The following PACS1 variants were observed in gnomAD, a reference collection of about 807,000 sequenced individuals.
PACS1 encodes phosphofurin acidic cluster sorting protein 1, also known as PACS-1.
PACS1 carries 24 observed loss-of-function variants against 115.0 expected under a neutral mutation model. The observed-to-expected ratio is 0.21, with a 90% CI of 0.15 to 0.29. PACS1 has a LOEUF of 0.29. Among genes scored for constraint, PACS1 ranks in the 10% least tolerant of loss-of-function variants. The pLI is 1.00. For missense variants in PACS1, 838 were observed against 1,251.2 expected (o/e 0.67, Z 4.98); for synonymous variants, 453 against 504.5 (o/e 0.90, Z 1.37).
intron 1 of PACS1, among the ~76,000 whole-genome samples, chr11:66,191,094 C>G (rs1854509537): frequency 6.6e-6 from 1 of 152,170 alleles, no homozygotes. Flanking sequence ...AAGGTGTGGA[C>G]AGGGTGGTGC....
intron 14 of PACS1, 137 bp downstream of exon 14, chr11:66,232,413 C>T: frequency 1.7e-6 from 1 of 597,878 alleles, no homozygotes; most frequent in Non-Finnish European, 3.0e-6. Flanking sequence ...CTGCTCTGAA[C>T]TGAGCCCAGA....
In PACS1 at chr11:66,070,623, C is replaced by T; in HGVS notation, c.137C>T (p.Thr46Met). ...CAGCAGCAGCCGCCGCAGCAGCCGA[C>T]GCCCCCCAAGCTGGCCCAGGCCACC... Reference protein sequence around the residue: ...QQQQQPPQQPTPPKLAQATSS... With the variant: ...QQQQQPPQQPMPPKLAQATSS... The change falls in exon 1 of 24, where the codon ACG (threonine) becomes ATG (methionine). Residue 46 changes from threonine to methionine, a missense_variant. Physicochemically the swap from Thr to Met is moderately conservative, Grantham distance 81. Coordinates refer to ENST00000320580, the MANE Select transcript of PACS1 (RefSeq NM_018026.4). The surrounding 1 kb of genome is among the most constrained non-coding windows in gnomAD (Gnocchi z 5.9). 6.5e-7 allele frequency: 1 copy of T among 1,541,380 alleles called. No individual in the cohort carries two copies. Among genetic ancestry groups the T allele is most frequent in the East Asian group, 2.6e-5 (1 of 38,532 alleles).
At chr11:66,160,932 A>G (rs925369362) in intron 1 of PACS1, among the ~76,000 whole-genome samples, 1 of 151,854 alleles carries the variant, frequency 6.6e-6, no homozygotes, top group African/African-American at 2.4e-5. Context: ...AAGAACATGG[A>G]CTCTGAAGCC....
intron 1 of PACS1, among the ~76,000 whole-genome samples, chr11:66,154,011 A>G (rs376113418): frequency 2.2e-4 from 34 of 152,224 alleles, no homozygotes; most frequent in Non-Finnish European, 1.2e-4. Flanking sequence ...AAGTGGCGAT[A>G]TTAACATCAA....
rs575658282 is a variant in PACS1 at position 66,171,029 on chromosome 11, C to T, written c.357-22457C>T. Among the ~76,000 whole-genome samples, 17 of 150,030 alleles carry T rather than the reference C, an allele frequency of 1.1e-4. 1 individual carries two copies. Among genetic ancestry groups the T allele is most frequent in the Admixed American group, 5.3e-4 (8 of 15,198 alleles). On this transcript the variant is annotated intron_variant, in intron 1 of 23. Coordinates refer to ENST00000320580, the MANE Select transcript of PACS1 (RefSeq NM_018026.4). ...TGTGTATTCTCTTGTTGTGGGGTTCCGGATTTCATGTGTTCGTTTGAATAT... is the reference window on the plus strand; with the variant it reads ...TGTGTATTCTCTTGTTGTGGGGTTCTGGATTTCATGTGTTCGTTTGAATAT...
In PACS1 at chr11:66,216,685, AC is replaced by A. The variant is rs750903805; in HGVS notation, c.898-7del. ...TTTCCCACCCTCATTCTGTCCCTGT[AC>A]CCACTTAGGACTTGTTCTACGAAGA... On this transcript the variant is annotated splice_polypyrimidine_tract_variant and intron_variant, in intron 6 of 23. Coordinates refer to ENST00000320580, the MANE Select transcript of PACS1 (RefSeq NM_018026.4). The A allele has an allele frequency of 6.2e-7, 1 of 1,613,294 alleles. No homozygotes were observed. The highest frequency in any genetic ancestry group is 1.3e-5 in the African/African-American group (1 of 74,854).
intron 10 of PACS1, among the ~76,000 whole-genome samples, chr11:66,222,738 A>T (rs891844187): frequency 6.6e-6 from 1 of 152,130 alleles, no homozygotes; most frequent in Non-Finnish European, 1.5e-5. Context: ...GATGATAGGA[A>T]ACAGGAGAGG....
intron 1 of PACS1, among the ~76,000 whole-genome samples, chr11:66,187,824 A>T (rs1172538235): frequency 6.6e-6 from 1 of 152,114 alleles, no homozygotes; most frequent in Non-Finnish European, 1.5e-5. Context: ...ACCGATTCCC[A>T]GTAGTGGGAT....
In PACS1 at chr11:66,235,827, A is replaced by G. The variant is rs1191851931; in HGVS notation, c.2208-71A>G. The G allele has an allele frequency of 6.9e-6, 9 of 1,310,568 alleles. No individual in the cohort carries two copies. Among genetic ancestry groups the G allele is most frequent in the Non-Finnish European group, 1.0e-5 (9 of 904,176 alleles). 81.2% of individuals were successfully genotyped at this position (1,310,568 alleles called of 1,614,324 possible). A position where few individuals can be genotyped will look rare whatever the true frequency, so the allele number is the denominator to read the frequency against. On this transcript the variant is annotated intron_variant, in intron 18 of 23. Transcript: ENST00000320580. This position sits in a 1 kb window ranked among gnomAD's most constrained non-coding sequence, Gnocchi z 5.6. ...TCTGCTGCAGCCACAGTGAGATAGG[A>G]AAGGCCAATTCCCCAGCACTCCTCC... is the stretch of plus-strand genomic sequence containing the variant.
At chr11:66,180,104 A>G (rs776429797) in intron 1 of PACS1, among the ~76,000 whole-genome samples, 8 of 151,916 alleles carry the variant, frequency 5.3e-5, no homozygotes, top group Non-Finnish European at 1.0e-4. Flanking sequence ...AGCCTCCCAA[A>G]GTGCTGGGAT....
At chr11:66,190,007 T>A (rs912356900) in intron 1 of PACS1, among the ~76,000 whole-genome samples, 1 of 152,222 alleles carries the variant, frequency 6.6e-6, no homozygotes, top group East Asian at 1.9e-4. Context: ...GTGCTGCAGC[T>A]CTAAGACTAG....
rs1859523846 is a variant in PACS1, at chr11:66,162,855, G to T, written c.357-30631G>T. On this transcript the variant is annotated intron_variant, in intron 1 of 23. Transcript: ENST00000320580. ...AAATTTTATCCGCAGTAAATGTGGGGTTGGAGAAGTCAAAGATACCATTTT... is the reference window on the plus strand; with the variant it reads ...AAATTTTATCCGCAGTAAATGTGGGTTTGGAGAAGTCAAAGATACCATTTT... Among the ~76,000 whole-genome samples, 5 of 152,330 alleles carry T rather than the reference G, an allele frequency of 3.3e-5. No individual in the cohort carries two copies. The South Asian group carries it at 1.0e-3, about 32-fold the overall frequency.
intron 1 of PACS1, among the ~76,000 whole-genome samples, chr11:66,154,013 T>C (rs1361608591): frequency 6.6e-6 from 1 of 152,126 alleles, no homozygotes; most frequent in African/African-American, 2.4e-5. Context: ...GTGGCGATAT[T>C]AACATCAAAT....
intron 1 of PACS1, among the ~76,000 whole-genome samples, chr11:66,108,874 TAGG>T (rs1858119873): frequency 6.6e-6 from 1 of 151,964 alleles, no homozygotes; most frequent in Non-Finnish European, 1.5e-5. Flanking sequence ...GGGGCTGAGG[TAGG>T]AGAATTGCTT....
rs1329774510 is a variant in PACS1 at position 66,242,940 on chromosome 11, C to T, written c.2685C>T (p.Pro895=). 3 of 1,614,014 alleles carry T rather than the reference C, an allele frequency of 1.9e-6. No individual in the cohort carries two copies. In the South Asian group the frequency reaches 3.3e-5, roughly 18 times the overall value. Residue 895 remains proline, a synonymous_variant, in exon 23 of 24, where the codon CCC becomes CCT. Transcript: ENST00000320580. ...KVPTIFLSKK[P]REKEVDSKSQ... ...CCACCATCTTCCTGAGCAAGAAACC[C>T]CGAGAAAAGGAGGTGGATTCTAAGA...
At chr11:66,239,015 G>A in intron 20 of PACS1, 127 bp from the exon 21 acceptor site, 2 of 1,473,326 alleles carry the variant, frequency 1.4e-6, no homozygotes, top group East Asian at 2.4e-5. Context: ...GCTGGGGGAG[G>A]TGGAAGGAGC....
At chr11:66,107,194 C>G (rs757498599) in intron 1 of PACS1, among the ~76,000 whole-genome samples, 1 of 152,210 alleles carries the variant, frequency 6.6e-6, no homozygotes, top group Non-Finnish European at 1.5e-5. Context: ...AGGTCACTCC[C>G]TTGCAGCCAC....
chr11:66,212,354 ATT>A (rs1289246765), intron 4 of PACS1, among the ~76,000 whole-genome samples: 3 of 148,302 alleles, frequency 2.0e-5, no homozygotes, highest in East Asian at 4.0e-4. Flanking sequence ...GGATGGTCTC[ATT>A]CTCCTGACCT....
At chr11:66,108,421 G>T (rs181742022) in intron 1 of PACS1, among the ~76,000 whole-genome samples, 68 of 152,122 alleles carry the variant, frequency 4.5e-4, no homozygotes, top group African/African-American at 1.4e-3. Flanking sequence ...AGGGATTAGG[G>T]CTCCAGTATA....
Sources: gnomAD v4.1 joint callset for allele counts (sites outside exome capture counted in the v4.1 genomes callset) on GRCh38, gnomAD v4.1.1 for gene constraint, Gnocchi (gnomAD v3.1) non-coding constraint, MANE v1.5 for transcripts, NCBI Gene and HGNC (gene_info 2026-07-23, HGNC 2026-07-21) for gene names.